The following GPC5 variants were observed in gnomAD, a reference collection of about 807,000 sequenced individuals.
GPC5 encodes the protein glypican-5.
A neutral mutation model predicts 53.9 loss-of-function variants in GPC5; 47 were observed. That is an observed-to-expected ratio of 0.87 (90% CI 0.69 to 1.11). The LOEUF is 1.11. Ranked by LOEUF, GPC5 falls within the 50% of genes most tolerant of loss-of-function variation. The pLI is 0.00. For missense variants in GPC5, 748 were observed against 713.1 expected (o/e 1.05, Z -0.56); for synonymous variants, 286 against 263.3 (o/e 1.09, Z -0.84).
intron 4 of GPC5, among the ~76,000 whole-genome samples, chr13:91,733,125 T>G (rs1328893546): frequency 6.6e-6 from 1 of 152,180 alleles, no homozygotes; most frequent in African/African-American, 2.4e-5. Context: ...ATGGCCATTT[T>G]CACAATTTTT....
rs541902618 is a variant in GPC5 at position 92,772,648 on chromosome 13, C to T, written c.1562-93634C>T. On this transcript the variant is annotated intron_variant, in intron 7 of 7. Coordinates refer to ENST00000377067, the MANE Select transcript of GPC5 (RefSeq NM_004466.6). ...CCTGTCATAGAGTAGTTTGCTTATTCGTTGATTCTGACTTTCTCCATGGAA... is the reference window on the plus strand; with the variant it reads ...CCTGTCATAGAGTAGTTTGCTTATTTGTTGATTCTGACTTTCTCCATGGAA... 7.2e-5 allele frequency among the ~76,000 whole-genome samples: 11 copies of T among 152,224 alleles called. No individual in the cohort carries two copies. The East Asian group carries it at 9.7e-4, about 13-fold the overall frequency.
chr13:91,481,730 G>C (rs1883307598), intron 2 of GPC5, among the ~76,000 whole-genome samples: 1 of 152,124 alleles, frequency 6.6e-6, no homozygotes, highest in African/African-American at 2.4e-5. Context: ...CTAGTTTTTG[G>C]TGGCAGTCTG....
intron 7 of GPC5, among the ~76,000 whole-genome samples, chr13:92,588,712 T>C (rs1035839538): frequency 6.6e-6 from 1 of 152,178 alleles, no homozygotes. Flanking sequence ...TAAGACAACT[T>C]AGAGAGTATG....
At chr13:92,796,555 T>A (rs1876692197) in intron 7 of GPC5, among the ~76,000 whole-genome samples, 1 of 151,880 alleles carries the variant, frequency 6.6e-6, no homozygotes, top group East Asian at 1.9e-4. Flanking sequence ...AATGAGGAAT[T>A]CCAGAAAGAT....
chr13:91,788,827 G>C (rs80129226), intron 5 of GPC5, among the ~76,000 whole-genome samples: 1 of 152,148 alleles, frequency 6.6e-6, no homozygotes, highest in Non-Finnish European at 1.5e-5. Flanking sequence ...AATACATTTG[G>C]GGGGAATAAA....
At chr13:91,585,406 T>G (rs2139117564) in intron 2 of GPC5, among the ~76,000 whole-genome samples, 1 of 152,310 alleles carries the variant, frequency 6.6e-6, no homozygotes, top group South Asian at 2.1e-4. Flanking sequence ...CTATCCATAC[T>G]AAAATGAATG....
intron 2 of GPC5, among the ~76,000 whole-genome samples, chr13:91,508,034 G>A (rs1355171481): frequency 6.6e-6 from 1 of 152,116 alleles, no homozygotes; most frequent in East Asian, 1.9e-4. Context: ...AATGAGAGAT[G>A]TAGCAAAAAT....
intron 7 of GPC5, among the ~76,000 whole-genome samples, chr13:92,682,135 T>C (rs1396646603): frequency 3.9e-5 from 6 of 152,228 alleles, no homozygotes; most frequent in Admixed American, 3.9e-4. Flanking sequence ...GTTTTGTCTC[T>C]ACCTCTTACA....
intron 3 of GPC5, among the ~76,000 whole-genome samples, chr13:91,723,807 C>T (rs185717770): frequency 2.8e-4 from 42 of 152,258 alleles, no homozygotes; most frequent in African/African-American, 9.4e-4. Context: ...TGTTCCCTTG[C>T]CCATTAGTTA....
chr13:91,771,544 T>C lies in GPC5; in HGVS notation c.1280+15124T>C, dbSNP rs11843726. Among the ~76,000 whole-genome samples, 600 of 152,294 alleles carry C rather than the reference T, an allele frequency of 3.9e-3. 8 individuals carry two copies. Among genetic ancestry groups the C allele is most frequent in the African/African-American group, 0.014 (585 of 41,568 alleles). ...TAATAAGGAAATAATTAAATGGTTA[T>C]GGCAGACTAAAATGAAGAATATAAT... is the stretch of plus-strand genomic sequence containing the variant. On this transcript the variant is annotated intron_variant, in intron 5 of 7. Coordinates refer to ENST00000377067, the MANE Select transcript of GPC5 (RefSeq NM_004466.6).
chr13:92,511,385 A>G (rs1880558001), intron 7 of GPC5, among the ~76,000 whole-genome samples: 1 of 152,066 alleles, frequency 6.6e-6, no homozygotes, highest in African/African-American at 2.4e-5. Context: ...TATTTTAATT[A>G]TGCTTTCTTT....
At position 91,508,304 on chromosome 13, in the gene GPC5, G is replaced by A. The variant is rs1885054330; in HGVS notation, c.325+59382G>A. On this transcript the variant is annotated intron_variant, in intron 2 of 7. Coordinates refer to ENST00000377067, the MANE Select transcript of GPC5 (RefSeq NM_004466.6). ...AATGGAGGTATTGAGAGCAAAGGTAGATATTATTTCCCAGGCCCTTCAATT... is the reference window on the plus strand; with the variant it reads ...AATGGAGGTATTGAGAGCAAAGGTAAATATTATTTCCCAGGCCCTTCAATT... Among the ~76,000 whole-genome samples the A allele has an allele frequency of 2.6e-5, 4 of 152,158 alleles. No homozygotes were observed. In the South Asian group the frequency reaches 8.3e-4, roughly 31 times the overall value.
At chr13:91,445,551 A>G (rs1362810739) in intron 1 of GPC5, among the ~76,000 whole-genome samples, 1 of 152,162 alleles carries the variant, frequency 6.6e-6, no homozygotes, top group Admixed American at 6.5e-5. Flanking sequence ...CTCGGCTCAC[A>G]GCAACCTTCA....
intron 7 of GPC5, among the ~76,000 whole-genome samples, chr13:92,802,608 C>A (rs1445284495): frequency 6.6e-6 from 1 of 151,746 alleles, no homozygotes; most frequent in Non-Finnish European, 1.5e-5. Flanking sequence ...CCATGGAATA[C>A]TATGCTGAGA....
intron 7 of GPC5, among the ~76,000 whole-genome samples, chr13:92,569,182 G>GT (rs1234492889): frequency 6.8e-6 from 1 of 147,762 alleles, no homozygotes; most frequent in African/African-American, 2.5e-5. Context: ...GCGGTGTTTG[G>GT]TTTTTTGTCC....
chr13:91,586,563 TAGAGAGAG>T lies in GPC5; in HGVS notation c.326-106603_326-106596del, dbSNP rs3055914. 6.3e-3 allele frequency among the ~76,000 whole-genome samples: 264 copies of T among 41,988 alleles called. 11 individuals are homozygous for T. Among genetic ancestry groups the T allele is most frequent in the African/African-American group, 0.019 (246 of 13,034 alleles). The allele number at this position is 41,988 out of a possible 152,430, so 27.5% of individuals were successfully genotyped here. A position where few individuals can be genotyped will look rare whatever the true frequency, so the allele number is the denominator to read the frequency against. ...ATATATATATATATATATATATATG[TAGAGAGAG>T]AGAGAGAGAGAGAGAGAGAGGGAGA... On this transcript the variant is annotated intron_variant, in intron 2 of 7. Coordinates refer to ENST00000377067, the MANE Select transcript of GPC5 (RefSeq NM_004466.6).
intron 7 of GPC5, among the ~76,000 whole-genome samples, chr13:92,232,411 A>G (rs2042537566): frequency 6.6e-6 from 1 of 152,194 alleles, no homozygotes; most frequent in Admixed American, 6.6e-5. Flanking sequence ...TTCTTCAAAA[A>G]CCATATAGCA....
chr13:92,396,930 G>A (rs1360656299), intron 7 of GPC5, among the ~76,000 whole-genome samples: 2 of 152,180 alleles, frequency 1.3e-5, no homozygotes, highest in African/African-American at 4.8e-5. Flanking sequence ...TTCCCCTAGA[G>A]AGGAGGCCTT....
chr13:92,361,990 A>C (rs1254958898), intron 7 of GPC5, among the ~76,000 whole-genome samples: 1 of 151,710 alleles, frequency 6.6e-6, no homozygotes, highest in Non-Finnish European at 1.5e-5. Context: ...TCTTAGGCAC[A>C]TTTAAAAAAA....
Sources: gnomAD v4.1 joint callset for allele counts (sites outside exome capture counted in the v4.1 genomes callset) on GRCh38, gnomAD v4.1.1 for gene constraint, MANE v1.5 for transcripts, NCBI Gene and HGNC (gene_info 2026-07-23, HGNC 2026-07-21) for gene names.